EMC1: variants seen among roughly 807,000 people sequenced by gnomAD.
The protein encoded by EMC1 is ER membrane protein complex subunit 1, also known as KIAA0090.
A neutral mutation model predicts 128.8 loss-of-function variants in EMC1; 103 were observed. That is an observed-to-expected ratio of 0.80 (90% CI 0.68 to 0.94). The LOEUF (loss-of-function observed/expected upper bound fraction) is 0.94, where lower values mean the gene tolerates loss of function less well. EMC1 is among the 40% of genes least tolerant of loss of function. The pLI, the probability that EMC1 is intolerant of heterozygous loss-of-function variation, is 0.00. For missense variants in EMC1, 1,083 were observed against 1,250.6 expected (o/e 0.87, Z 2.02); for synonymous variants, 442 against 490.4 (o/e 0.90, Z 1.30).
Position 19,227,462 on chromosome 1 carries a change from G to A in EMC1, c.2065-12C>T, listed in dbSNP as rs778894345. On this transcript the variant is annotated splice_polypyrimidine_tract_variant and intron_variant, in intron 17 of 22. Transcript: ENST00000477853. ...TCAGTGGTGAGATCCTAGGGCAGGGGCAAAAAAGCCTGTAATCAGGAGGGT... is the reference window on the plus strand; with the variant it reads ...TCAGTGGTGAGATCCTAGGGCAGGGACAAAAAAGCCTGTAATCAGGAGGGT... The A allele has an allele frequency of 1.2e-6, 2 of 1,613,064 alleles. No individual in the cohort carries two copies. The highest frequency in any genetic ancestry group is 8.5e-7 in the Non-Finnish European group (1 of 1,179,672).
At chr1:19,230,759 G>T in intron 17 of EMC1, 85 bp downstream of exon 17, 1 of 1,505,754 alleles carries the variant, frequency 6.6e-7, no homozygotes, top group Non-Finnish European at 9.1e-7. Context: ...AGTAGAATGA[G>T]TAGCATAATT....
At chr1:19,238,990 C>A in intron 9 of EMC1, 133 bp from the exon 10 acceptor site, 1 of 757,140 alleles carries the variant, frequency 1.3e-6, no homozygotes, top group East Asian at 2.5e-5. Flanking sequence ...GCCCACAAAG[C>A]CTATTCAACC....
Position 19,235,202 on chromosome 1 carries a change from A to T in EMC1, c.1360T>A (p.Cys454Ser). ...AGGGGGAGGTCCACCATCTCTAGGCACACCACTTCTGCCAGGGACTCCTCA... is the reference window on the plus strand; with the variant it reads ...AGGGGGAGGTCCACCATCTCTAGGCTCACCACTTCTGCCAGGGACTCCTCA... ...SREESLAEVV[C>S]LEMVDLPLTG... Residue 454 changes from cysteine (C) to serine (S), a missense_variant, in exon 13 of 23, where the codon TGC (cysteine) becomes AGC (serine). This residue lies in a region of EMC1 where 544 missense variants were observed against 572.4 expected (regional missense o/e 0.95). Coordinates refer to ENST00000477853, the MANE Select transcript of EMC1 (RefSeq NM_015047.3). The T allele has an allele frequency of 6.2e-7, 1 of 1,613,922 alleles. No homozygotes were observed. The highest frequency in any genetic ancestry group is 1.1e-5 in the South Asian group (1 of 91,012).
intron 17 of EMC1, chr1:19,229,326 C>T (rs1047808251): frequency 3.3e-5 from 5 of 152,180 alleles, no homozygotes; most frequent in African/African-American, 9.7e-5. Context: ...TTCATTGCCA[C>T]AACCTTCTTT....
chr1:19,226,564 G>A (rs2093475221), intron 18 of EMC1, among the ~76,000 whole-genome samples: 1 of 151,546 alleles, frequency 6.6e-6, no homozygotes, highest in African/African-American at 2.4e-5. Flanking sequence ...AATTTTTTTT[G>A]TTTGTTTGGA....
intron 1 of EMC1, among the ~76,000 whole-genome samples, chr1:19,247,962 T>C (rs150977884): frequency 0.013 from 2,045 of 151,838 alleles, 46 homozygotes; most frequent in African/African-American, 0.043. Context: ...AGGTGGAGGT[T>C]GTAGTGAGCT....
chr1:19,220,730 T>A, intron 21 of EMC1, 34 bp downstream of exon 21: 1 of 1,523,688 alleles, frequency 6.6e-7, no homozygotes, highest in Non-Finnish European at 9.0e-7. Context: ...TTATGTAAGG[T>A]CAGAGCCTTC....
rs746867844 is a variant in EMC1, at chr1:19,241,008, T to C, written c.636+8A>G. 1 of 1,614,014 alleles carries C rather than the reference T, an allele frequency of 6.2e-7. No individual in the cohort carries two copies. Among genetic ancestry groups the C allele is most frequent in the Non-Finnish European group, 8.5e-7 (1 of 1,179,934 alleles). On this transcript the variant is annotated splice_region_variant and intron_variant, in intron 6 of 22. Transcript: ENST00000477853. ...CCTTATTCACAGGCTCCTGTCACCC[T>C]CCTGTACCTGCTGAACAATCTCTCC...
At chr1:19,229,641 G>A (rs928161533) in intron 17 of EMC1, among the ~76,000 whole-genome samples, 1 of 152,182 alleles carries the variant, frequency 6.6e-6, no homozygotes, top group Non-Finnish European at 1.5e-5. Flanking sequence ...CAAGGGTAAA[G>A]GATGTGTCTT....
chr1:19,239,161 G>A, intron 9 of EMC1, 70 bp downstream of exon 9: 1 of 1,444,668 alleles, frequency 6.9e-7, no homozygotes, highest in South Asian at 1.1e-5. Flanking sequence ...CCAGACTTCT[G>A]ATTTTCAGGG....
intron 18 of EMC1, among the ~76,000 whole-genome samples, chr1:19,226,002 G>A (rs572847487): frequency 2.0e-5 from 3 of 152,178 alleles, no homozygotes; most frequent in Non-Finnish European, 2.9e-5. Flanking sequence ...GCTAGGCCAC[G>A]GCAGAGCCAA....
At chr1:19,240,109 T>C in intron 7 of EMC1, 124 bp from the exon 8 acceptor site, 1 of 1,223,730 alleles carries the variant, frequency 8.2e-7, no homozygotes, top group South Asian at 1.5e-5. Context: ...TGGCTCCAAA[T>C]GCTCCAGTTC....
intron 22 of EMC1, 37 bp downstream of exon 22, chr1:19,219,532 C>T (rs1179214703): frequency 4.3e-6 from 7 of 1,613,954 alleles, no homozygotes; most frequent in Admixed American, 1.7e-5. Context: ...CAATGATCCA[C>T]CAAGGGTGAA....
Position 19,232,614 on chromosome 1 carries a change from G to C in EMC1, c.1782+10C>G. On this transcript the variant is annotated intron_variant, in intron 15 of 22. Transcript: ENST00000477853. Reference sequence around the variant, plus strand: ...CTGAGTCTGGCTCAAGTCAGAGCTGGATGCCTCACCTTGTCCTTCACCAGC... The same window carrying C: ...CTGAGTCTGGCTCAAGTCAGAGCTGCATGCCTCACCTTGTCCTTCACCAGC... 1 of 1,613,922 alleles carries C rather than the reference G, an allele frequency of 6.2e-7. No homozygotes were observed. The highest frequency in any genetic ancestry group is 1.1e-5 in the South Asian group (1 of 91,068).
chr1:19,221,525 A>C (rs1201504759), intron 20 of EMC1: 1 of 151,732 alleles, frequency 6.6e-6, no homozygotes, highest in Admixed American at 6.6e-5. Flanking sequence ...AGTCCCAGCT[A>C]CTCAGCAGAC....
chr1:19,223,913 T>A (rs2093451185), intron 18 of EMC1, among the ~76,000 whole-genome samples: 1 of 152,206 alleles, frequency 6.6e-6, no homozygotes, highest in African/African-American at 2.4e-5. Flanking sequence ...TGCCCACTCA[T>A]TGACCTAGGG....
At chr1:19,226,103 C>G (rs1404187504) in intron 18 of EMC1, among the ~76,000 whole-genome samples, 1 of 152,184 alleles carries the variant, frequency 6.6e-6, no homozygotes, top group Non-Finnish European at 1.5e-5. Context: ...GATCTCTATT[C>G]TATGACACCC....
At chr1:19,226,459 TA>T (rs1044940814) in intron 18 of EMC1, among the ~76,000 whole-genome samples, 5 of 151,760 alleles carry the variant, frequency 3.3e-5, no homozygotes, top group African/African-American at 1.2e-4. Flanking sequence ...AATATAAAAA[TA>T]AAAAATTAAA....
At position 19,215,834 on chromosome 1, in the gene EMC1, A is replaced by T. The variant is rs1481501814; in HGVS notation, c.*3469T>A. 1.3e-5 allele frequency: 2 copies of T among 151,938 alleles called. No individual in the cohort carries two copies. Among genetic ancestry groups the T allele is most frequent in the Non-Finnish European group, 2.9e-5 (2 of 68,018 alleles). The allele number at this position is 151,938 out of a possible 1,614,324, so 9.4% of individuals were successfully genotyped here. A position where few individuals can be genotyped will look rare whatever the true frequency, so the allele number is the denominator to read the frequency against. On this transcript the variant is annotated 3_prime_UTR_variant, in exon 23 of 23. Transcript: ENST00000477853. ...GCTGGGATTACAGGCATGCACCACC[A>T]CACCTGGCTAAATTTTTTTATTTTT... is the stretch of plus-strand genomic sequence containing the variant.
Sources: gnomAD v4.1 joint callset for allele counts (sites outside exome capture counted in the v4.1 genomes callset) on GRCh38, gnomAD v4.1.1 for gene constraint, gnomAD v4.1.1 regional missense constraint, MANE v1.5 for transcripts, NCBI Gene and HGNC (gene_info 2026-07-23, HGNC 2026-07-21) for gene names.